The following CAMK2G variants were observed in gnomAD, a reference collection of about 807,000 sequenced individuals.
The protein encoded by CAMK2G is calcium/calmodulin dependent protein kinase II gamma.
Under a neutral mutation model 88.7 loss-of-function variants are expected in CAMK2G, and 23 were observed. The ratio of observed to expected loss-of-function variants is 0.26; its 90% CI spans 0.19 to 0.37. The LOEUF (loss-of-function observed/expected upper bound fraction) is 0.37, where lower values mean the gene tolerates loss of function less well. Among genes scored for constraint, CAMK2G ranks in the 10% least tolerant of loss-of-function variants. CAMK2G has a pLI of 1.00. For synonymous variants in CAMK2G, 263 were observed against 294.8 expected, an observed-to-expected ratio of 0.89 and a Z score of 1.11; for missense variants, 476 against 780.8, an observed-to-expected ratio of 0.61 and a Z score of 4.65.
chr10:73,842,194 G>A lies in CAMK2G; in HGVS notation c.921C>T (p.Thr307=). 1 of 1,612,794 alleles carries A rather than the reference G, an allele frequency of 6.2e-7. No homozygotes were observed. Among genetic ancestry groups the A allele is most frequent in the African/African-American group, 1.3e-5 (1 of 75,014 alleles). ...CTGAGAAGTTCCTGGAGACAAGCAT[G>A]GTCGTGAGGATGGCACCCTGGGGAA... is the stretch of plus-strand genomic sequence containing the variant. The part of the protein sequence containing the change: ...RRKLKGAILT[T]MLVSRNFSVG... Residue 307 remains threonine, a synonymous_variant, in exon 12 of 23, where the codon ACC becomes ACT. Transcript: ENST00000423381. This position sits in a 1 kb window ranked among gnomAD's most constrained non-coding sequence, Gnocchi z 4.6.
Position 73,817,050 on chromosome 10 carries a change from C to A in CAMK2G, c.1507G>T (p.Asp503Tyr), listed in dbSNP as rs2085849042. ...TTCTCAAAGTAAAACTTATGGAAATCCATCCCCTCCACGAGGTTACCAAGG... is the reference window on the plus strand; with the variant it reads ...TTCTCAAAGTAAAACTTATGGAAATACATCCCCTCCACGAGGTTACCAAGG... ...EALGNLVEGM[D>Y]FHKFYFENLL... Residue 503 changes from aspartate to tyrosine, a missense_variant, in exon 21 of 23, where the codon GAT becomes TAT. Asp to Tyr is a radical substitution (Grantham distance 160). Transcript: ENST00000423381. 3.1e-6 allele frequency: 5 copies of A among 1,614,110 alleles called. No homozygotes were observed. The highest frequency in any genetic ancestry group is 4.2e-6 in the Non-Finnish European group (5 of 1,179,988).
At chr10:73,863,932 G>C (rs1486790948) in intron 2 of CAMK2G, among the ~76,000 whole-genome samples, 2 of 152,240 alleles carry the variant, frequency 1.3e-5, no homozygotes, top group Non-Finnish European at 2.9e-5. Flanking sequence ...ATTCTAAGCT[G>C]TGGAGTATGG....
chr10:73,820,801 T>C (rs1190387706), intron 18 of CAMK2G, among the ~76,000 whole-genome samples: 1 of 150,552 alleles, frequency 6.6e-6, no homozygotes, highest in Non-Finnish European at 1.5e-5. Context: ...GCCTCCCGAG[T>C]AGCTACGATT....
chr10:73,855,965 G>T (rs545010973), intron 3 of CAMK2G, among the ~76,000 whole-genome samples: 18 of 151,938 alleles, frequency 1.2e-4, no homozygotes, highest in African/African-American at 4.3e-4. Flanking sequence ...TAAGAGACAG[G>T]GTCTCACTAT....
At chr10:73,833,941 C>T (rs1187163461) in intron 14 of CAMK2G, among the ~76,000 whole-genome samples, 1 of 79,302 alleles carries the variant, frequency 1.3e-5, no homozygotes, top group Non-Finnish European at 2.1e-5. Flanking sequence ...TTTTTTGAGA[C>T]GGAGTCTTGC....
At chr10:73,855,669 G>T (rs969803906) in intron 3 of CAMK2G, among the ~76,000 whole-genome samples, 1 of 152,206 alleles carries the variant, frequency 6.6e-6, no homozygotes, top group Admixed American at 6.5e-5. Context: ...CACACACAGA[G>T]CCCAGGTGGG....
At chr10:73,859,117 T>G (rs1360438516) in intron 3 of CAMK2G, among the ~76,000 whole-genome samples, 1 of 152,254 alleles carries the variant, frequency 6.6e-6, no homozygotes, top group African/African-American at 2.4e-5. Flanking sequence ...ATCAAAATGC[T>G]TCTGTGCTTA....
rs1398349308 is a variant in CAMK2G, at chr10:73,821,695, ATCT to A, written c.1233_1235del (p.Glu411del). 6.2e-7 allele frequency: 1 copy of A among 1,611,166 alleles called. No individual in the cohort carries two copies. Among genetic ancestry groups the A allele is most frequent in the Non-Finnish European group, 8.5e-7 (1 of 1,178,896 alleles). ...GCCAGCACCTACCTTTGAGGTCCTC[ATCT>A]TCTGTGGTGGTGTTGCAGCTCTCTG... On this transcript the variant is annotated inframe_deletion, in exon 18 of 23. Coordinates refer to ENST00000423381, the MANE Select transcript of CAMK2G (RefSeq NM_001367534.1).
At chr10:73,850,852 G>T (rs1192181534) in intron 5 of CAMK2G, among the ~76,000 whole-genome samples, 1 of 152,116 alleles carries the variant, frequency 6.6e-6, no homozygotes, top group Non-Finnish European at 1.5e-5. Context: ...AGCTATAGAG[G>T]CGAGTCTCCA....
chr10:73,818,846 ATGG>A, intron 19 of CAMK2G: 1 of 456,150 alleles, frequency 2.2e-6, no homozygotes, highest in Non-Finnish European at 4.4e-6. Context: ...GCAAGGATAG[ATGG>A]TGGGAGGAAA....
In CAMK2G at chr10:73,868,856, C is replaced by T. The variant is rs535465722; in HGVS notation, c.160+4133G>A. Among the ~76,000 whole-genome samples the T allele has an allele frequency of 7.2e-5, 11 of 152,336 alleles. No individual in the cohort carries two copies. In the South Asian group the frequency reaches 2.1e-3, roughly 29 times the overall value. On this transcript the variant is annotated intron_variant, in intron 2 of 22. Coordinates refer to ENST00000423381, the MANE Select transcript of CAMK2G (RefSeq NM_001367534.1). ...ATCCCATTTCAGTCCCCAGGGCCAG[C>T]TGGACCCAGAAAGGGACAGCCTTTA...
chr10:73,820,758 C>T (rs2088212396), intron 18 of CAMK2G, among the ~76,000 whole-genome samples: 1 of 148,786 alleles, frequency 6.7e-6, no homozygotes, highest in African/African-American at 2.5e-5. Flanking sequence ...CTGCAACCTC[C>T]ACCTCCCAGG....
intron 2 of CAMK2G, among the ~76,000 whole-genome samples, chr10:73,869,613 G>GACA (rs2095736982): frequency 6.6e-6 from 1 of 152,228 alleles, no homozygotes; most frequent in African/African-American, 2.4e-5. Context: ...TAATGTGTAT[G>GACA]TGGCTGGCAT....
chr10:73,828,222 C>T, intron 14 of CAMK2G, 101 bp from the exon 15 acceptor site: 1 of 989,904 alleles, frequency 1.0e-6, no homozygotes, highest in South Asian at 1.3e-5. Flanking sequence ...GGCTCTGCAT[C>T]AGGGAGAAAA....
chr10:73,816,966 A>G (rs760807299), intron 21 of CAMK2G, 57 bp downstream of exon 21: 9 of 1,613,830 alleles, frequency 5.6e-6, no homozygotes, highest in Non-Finnish European at 7.6e-6. Context: ...AGCAGGAGAC[A>G]GAGACAAAGG....
chr10:73,872,316 G>GTGCAGTTCGGAGGCAA (rs1396446214), intron 2 of CAMK2G, among the ~76,000 whole-genome samples: 1 of 152,236 alleles, frequency 6.6e-6, no homozygotes, highest in East Asian at 1.9e-4. Flanking sequence ...CTCGGAGGCA[G>GTGCAGTTCGGAGGCAA]TGCAGTTCCT....
chr10:73,819,200 AC>A (rs2086849431), intron 19 of CAMK2G, among the ~76,000 whole-genome samples: 1 of 150,670 alleles, frequency 6.6e-6, no homozygotes, highest in Non-Finnish European at 1.5e-5. Context: ...TCCCACTCCC[AC>A]CCCCACAGAC....
In CAMK2G at chr10:73,827,406, C is replaced by T. The variant is rs189290715; in HGVS notation, c.1086+683G>A. ...TTTCACCGTGTTATGGTCTTGATCTCCTGACCTTGTGATCCACCCGCCTCG... is the reference window on the plus strand; with the variant it reads ...TTTCACCGTGTTATGGTCTTGATCTTCTGACCTTGTGATCCACCCGCCTCG... On this transcript the variant is annotated intron_variant, in intron 15 of 22. Transcript: ENST00000423381. 6.7e-3 allele frequency among the ~76,000 whole-genome samples: 1,017 copies of T among 152,276 alleles called. 10 individuals are homozygous for T. Among genetic ancestry groups the T allele is most frequent in the African/African-American group, 0.017 (724 of 41,548 alleles).
intron 2 of CAMK2G, among the ~76,000 whole-genome samples, chr10:73,862,357 C>T (rs1381280727): frequency 7.2e-6 from 1 of 139,698 alleles, no homozygotes; most frequent in East Asian, 2.4e-4. Context: ...TATATTACAT[C>T]AGTTATCTTT....
Sources: allele counts gnomAD v4.1 joint callset (sites outside exome capture counted in the v4.1 genomes callset), GRCh38; gene constraint gnomAD v4.1.1; non-coding constraint Gnocchi (gnomAD v3.1); transcripts MANE v1.5; gene names NCBI Gene and HGNC (gene_info 2026-07-23, HGNC 2026-07-21).